The following ZNF461 variants were observed in gnomAD, a reference collection of about 807,000 sequenced individuals.
ZNF461 encodes the protein gonadotropin-inducible ovarian transcription factor-1.
ZNF461 carries 16 observed loss-of-function variants against 18.3 expected under a neutral mutation model. The observed-to-expected ratio is 0.88, with a 90% CI of 0.59 to 1.33. The LOEUF (loss-of-function observed/expected upper bound fraction) is 1.33, where lower values mean the gene tolerates loss of function less well. Among genes scored for constraint, ZNF461 ranks in the 40% most tolerant of loss-of-function variants. ZNF461 has a pLI of 0.00. For synonymous variants in ZNF461, 179 were observed against 216.9 expected (o/e 0.83, Z 1.54); for missense variants, 595 against 669.9 (o/e 0.89, Z 1.23).
intron 4 of ZNF461, among the ~76,000 whole-genome samples, chr19:36,656,040 C>T (rs1337898623): frequency 6.7e-6 from 1 of 149,960 alleles, no homozygotes; most frequent in African/African-American, 2.5e-5. Flanking sequence ...TTCTGTCGCC[C>T]AGGCGGGAGT....
chr19:36,649,687 G>A (rs2037592273), intron 4 of ZNF461, among the ~76,000 whole-genome samples: 1 of 152,072 alleles, frequency 6.6e-6, no homozygotes, highest in Non-Finnish European at 1.5e-5. Context: ...TTCTAGGAGA[G>A]TAGATGTTAA....
chr19:36,663,031 A>G (rs1184994369), intron 2 of ZNF461, among the ~76,000 whole-genome samples: 2 of 152,136 alleles, frequency 1.3e-5, no homozygotes, highest in Non-Finnish European at 2.9e-5. Context: ...TCTGCTCTAA[A>G]TTTTACTTTA....
chr19:36,654,721 G>A (rs1276579679), intron 4 of ZNF461, among the ~76,000 whole-genome samples: 1 of 152,078 alleles, frequency 6.6e-6, no homozygotes, highest in Non-Finnish European at 1.5e-5. Context: ...CTAGCCTGTA[G>A]AATGGATCTG....
intron 2 of ZNF461, among the ~76,000 whole-genome samples, chr19:36,659,224 C>G (rs2037776699): frequency 6.6e-6 from 1 of 152,194 alleles, no homozygotes; most frequent in South Asian, 2.1e-4. Context: ...TGTGAGGGAA[C>G]TATCTTGAAA....
At position 36,639,699 on chromosome 19, in the gene ZNF461, T is replaced by C; in HGVS notation, c.646A>G (p.Lys216Glu). 4 of 1,613,848 alleles carry C rather than the reference T, an allele frequency of 2.5e-6. No homozygotes were observed. Among genetic ancestry groups the C allele is most frequent in the Non-Finnish European group, 3.4e-6 (4 of 1,179,770 alleles). ...CATTCTTTACATTCAGAAAGTTCTT[T>C]AGAATGAGTTCTTTTGTGGTGACTA... ...FFSHHKRTHS[K>E]ELSECKECTE... Residue 216 changes from lysine (K) to glutamate (E), a missense_variant, in exon 6 of 6, where the codon AAA (lysine) becomes GAA (glutamate). Transcript: ENST00000588268.
At chr19:36,644,131 A>G (rs1303788682) in intron 4 of ZNF461, among the ~76,000 whole-genome samples, 2 of 151,960 alleles carry the variant, frequency 1.3e-5, no homozygotes, top group Non-Finnish European at 2.9e-5. Flanking sequence ...ACGGGGTTTC[A>G]CCACTTAGCC....
At chr19:36,645,238 A>G (rs1051673501) in intron 4 of ZNF461, 31 of 152,164 alleles carry the variant, frequency 2.0e-4, no homozygotes, top group African/African-American at 7.5e-4. Context: ...AACAACAACA[A>G]AAAAGATCTG....
At chr19:36,660,968 T>C (rs1023554650) in intron 2 of ZNF461, among the ~76,000 whole-genome samples, 7 of 151,532 alleles carry the variant, frequency 4.6e-5, no homozygotes, top group African/African-American at 2.4e-5. Context: ...TATATGACAA[T>C]AAAAAAGATG....
In ZNF461 at chr19:36,658,316, C is replaced by G; in HGVS notation, c.119G>C (p.Ser40Thr). 2 of 1,609,216 alleles carry G rather than the reference C, an allele frequency of 1.2e-6. No homozygotes were observed. Among genetic ancestry groups the G allele is most frequent in the Non-Finnish European group, 1.7e-6 (2 of 1,177,444 alleles). Reference protein sequence around the residue: ...LYKEVMLENYSNLVSLGLSVS... With the variant: ...LYKEVMLENYTNLVSLGLSVS... ...AACTTTACCAAGTGACACCAAGTTGCTATAATTCTCCAACATCACCTCCTT... is the reference window on the plus strand; with the variant it reads ...AACTTTACCAAGTGACACCAAGTTGGTATAATTCTCCAACATCACCTCCTT... The change falls in exon 3 of 6, where the codon AGC becomes ACC. Residue 40 changes from serine (S) to threonine (T), a missense_variant. Coordinates refer to ENST00000588268, the MANE Select transcript of ZNF461 (RefSeq NM_153257.5).
intron 4 of ZNF461, among the ~76,000 whole-genome samples, chr19:36,644,227 C>G (rs1260626203): frequency 1.3e-5 from 2 of 151,436 alleles, no homozygotes; most frequent in Non-Finnish European, 2.9e-5. Flanking sequence ...GCCACCACAC[C>G]CAGCAGAGAA....
At chr19:36,649,274 A>G (rs1262087697) in intron 4 of ZNF461, among the ~76,000 whole-genome samples, 1 of 152,218 alleles carries the variant, frequency 6.6e-6, no homozygotes, top group African/African-American at 2.4e-5. Flanking sequence ...AACATGCTTC[A>G]CAAAAAGGCT....
At chr19:36,651,978 CA>C (rs772506208) in intron 4 of ZNF461, among the ~76,000 whole-genome samples, 36 of 152,004 alleles carry the variant, frequency 2.4e-4, no homozygotes, top group African/African-American at 3.6e-4. Context: ...GAGATGGTCA[CA>C]AAGATCAATG....
At chr19:36,656,028 C>T (rs1292275229) in intron 4 of ZNF461, among the ~76,000 whole-genome samples, 2 of 134,672 alleles carry the variant, frequency 1.5e-5, no homozygotes, top group Non-Finnish European at 1.5e-5. Flanking sequence ...GACGGAGTCT[C>T]GTTCTGTCGC....
At chr19:36,644,241 G>A (rs2037481069) in intron 4 of ZNF461, among the ~76,000 whole-genome samples, 1 of 151,254 alleles carries the variant, frequency 6.6e-6, no homozygotes, top group African/African-American at 2.4e-5. Context: ...CAGAGAATAT[G>A]TATTTCTTAT....
chr19:36,647,594 A>G (rs1568651112), intron 4 of ZNF461, among the ~76,000 whole-genome samples: 1 of 152,208 alleles, frequency 6.6e-6, no homozygotes, highest in East Asian at 1.9e-4. Context: ...TCCACTTTCA[A>G]TTTACTTTCA....
rs1020136697 is a variant in ZNF461 at position 36,666,325 on chromosome 19, A to T, written c.-81+365T>A. On this transcript the variant is annotated intron_variant, in intron 1 of 5. Coordinates refer to ENST00000588268, the MANE Select transcript of ZNF461 (RefSeq NM_153257.5). The stretch of plus-strand genomic sequence containing the variant: ...GCCAGGCTGGTATCGAACTCCCGAC[A>T]TCAGGGCATCCACCCGCTTCGGGCT... Among the ~76,000 whole-genome samples the T allele has an allele frequency of 2.0e-5, 3 of 151,964 alleles. No individual in the cohort carries two copies. In the East Asian group the frequency reaches 5.8e-4, roughly 29 times the overall value.
chr19:36,664,593 C>CAA (rs560561888), intron 2 of ZNF461, 105 bp downstream of exon 2: 2,241 of 665,620 alleles, frequency 3.4e-3, no homozygotes, highest in Middle Eastern at 4.0e-3. Context: ...GGCTATGTCT[C>CAA]AAAAAAAAAA....
intron 2 of ZNF461, among the ~76,000 whole-genome samples, chr19:36,664,121 CT>C (rs1424068309): frequency 2.0e-5 from 3 of 152,054 alleles, no homozygotes; most frequent in Non-Finnish European, 4.4e-5. Context: ...GTGTTCTCTC[CT>C]TGTGTCTGTT....
At chr19:36,649,770 G>A (rs1414157338) in intron 4 of ZNF461, among the ~76,000 whole-genome samples, 2 of 152,166 alleles carry the variant, frequency 1.3e-5, no homozygotes, top group African/African-American at 4.8e-5. Context: ...AAGCATGTCA[G>A]GTAACAGATA....
Sources: allele counts gnomAD v4.1 joint callset (sites outside exome capture counted in the v4.1 genomes callset), GRCh38; gene constraint gnomAD v4.1.1; transcripts MANE v1.5; gene names NCBI Gene and HGNC (gene_info 2026-07-23, HGNC 2026-07-21).